The following XYLT1 variants were observed in gnomAD, a reference collection of about 807,000 sequenced individuals.
XYLT1 encodes beta-D-xylosyltransferase 1.
A neutral mutation model predicts 91.3 loss-of-function variants in XYLT1; 36 were observed. That is an observed-to-expected ratio of 0.39 (90% CI 0.30 to 0.52). The LOEUF (loss-of-function observed/expected upper bound fraction) is 0.52. Ranked by LOEUF, XYLT1 falls within the 20% of genes least tolerant of loss-of-function variation. The probability of loss-of-function intolerance (pLI) is 0.68; values close to 1 mark genes in which losing one functional copy is unlikely to be tolerated. For synonymous variants in XYLT1, 588 were observed against 532.0 expected, an observed-to-expected ratio of 1.11 and a Z score of -1.45; for missense variants, 1,242 against 1,284.5, an observed-to-expected ratio of 0.97 and a Z score of 0.51.
At chr16:17,197,026 TATATAG>T (rs61566979) in intron 5 of XYLT1, among the ~76,000 whole-genome samples, 25,348 of 124,624 alleles carry the variant, frequency 0.2, 4,368 homozygotes, top group African/African-American at 0.36. Flanking sequence ...TATATATATA[TATATAG>T]ATATATATAC....
chr16:17,108,948 T>C lies in XYLT1; in HGVS notation c.2627A>G (p.Asn876Ser), dbSNP rs2141475932. 3.1e-6 allele frequency: 5 copies of C among 1,591,286 alleles called. No homozygotes were observed. The highest frequency in any genetic ancestry group is 4.3e-6 in the Non-Finnish European group (5 of 1,163,592). ...GTTGATGGGCAGGCTGAGGACGGGG[T>C]TTAGGCTCTGGAAGCTCTGCTCCAT... ...AYMEQSFQSLNPVLSLPINPA... is the reference protein window; with the variant it reads ...AYMEQSFQSLSPVLSLPINPA... Residue 876 changes from asparagine to serine, a missense_variant, in exon 12 of 12, where the codon AAC becomes AGC. Physicochemically the swap from Asn to Ser is conservative, Grantham distance 46 (BLOSUM62 1). This residue lies in a region of XYLT1 where 511 missense variants were observed against 497.0 expected (regional missense o/e 1.03). Coordinates refer to ENST00000261381, the MANE Select transcript of XYLT1 (RefSeq NM_022166.4).
intron 1 of XYLT1, among the ~76,000 whole-genome samples, chr16:17,452,422 G>A (rs746533853): frequency 6.6e-6 from 1 of 150,926 alleles, no homozygotes; most frequent in African/African-American, 2.4e-5. Context: ...CAAGGAGTTC[G>A]AGACCATCCC....
At chr16:17,316,394 T>C (rs895904113) in intron 2 of XYLT1, among the ~76,000 whole-genome samples, 1 of 152,036 alleles carries the variant, frequency 6.6e-6, no homozygotes, top group Non-Finnish European at 1.5e-5. Context: ...CCCTGCTTTT[T>C]ATTTATTTAT....
chr16:17,128,841 C>T (rs887958735), intron 9 of XYLT1, among the ~76,000 whole-genome samples: 1 of 152,162 alleles, frequency 6.6e-6, no homozygotes, highest in Non-Finnish European at 1.5e-5. Flanking sequence ...TAAATAGCTG[C>T]CGCTTCTGCA....
chr16:17,140,325 G>T (rs1193572952), intron 7 of XYLT1, among the ~76,000 whole-genome samples: 1 of 152,160 alleles, frequency 6.6e-6, no homozygotes, highest in Non-Finnish European at 1.5e-5. Context: ...GGTGTAAAAA[G>T]GTGGTCATTA....
chr16:17,141,450 A>T, intron 6 of XYLT1, 81 bp from the exon 7 acceptor site: 1 of 1,339,996 alleles, frequency 7.5e-7, no homozygotes, highest in Non-Finnish European at 1.0e-6. Flanking sequence ...AAACAACACA[A>T]TCATAGCGAT....
At chr16:17,295,611 C>T (rs1305153000) in intron 2 of XYLT1, among the ~76,000 whole-genome samples, 1 of 152,184 alleles carries the variant, frequency 6.6e-6, no homozygotes, top group African/African-American at 2.4e-5. Flanking sequence ...CCACTTTGAC[C>T]TCCCAAAGTC....
intron 2 of XYLT1, among the ~76,000 whole-genome samples, chr16:17,338,737 A>ACC (rs1297939344): frequency 2.6e-5 from 4 of 152,122 alleles, no homozygotes; most frequent in African/African-American, 9.7e-5. Flanking sequence ...GGTGCCCACC[A>ACC]CCACAACTAA....
chr16:17,109,196 G>C (rs772958671), intron 11 of XYLT1, among the ~76,000 whole-genome samples, 179 bp from the exon 12 acceptor site: 1 of 152,188 alleles, frequency 6.6e-6, no homozygotes, highest in Non-Finnish European at 1.5e-5. Flanking sequence ...AACTGAGCCC[G>C]TAAGGACAGA....
At chr16:17,166,542 C>T (rs1003792152) in intron 5 of XYLT1, among the ~76,000 whole-genome samples, 5 of 151,416 alleles carry the variant, frequency 3.3e-5, no homozygotes, top group Non-Finnish European at 7.4e-5. Context: ...GGTAGAGTCT[C>T]GCTCTGTCAC....
intron 4 of XYLT1, among the ~76,000 whole-genome samples, chr16:17,200,226 A>AG (rs2032512344): frequency 6.6e-6 from 1 of 151,524 alleles, no homozygotes; most frequent in African/African-American, 2.4e-5. Context: ...TCAAAAAAAA[A>AG]AGAAAAAAAA....
chr16:17,297,925 G>T (rs186444444), intron 2 of XYLT1, among the ~76,000 whole-genome samples: 8 of 152,144 alleles, frequency 5.3e-5, no homozygotes, highest in African/African-American at 1.2e-4. Context: ...GGAGGCTGAG[G>T]CAGGAGAATG....
At position 17,145,789 on chromosome 16, in the gene XYLT1, C is replaced by T. The variant is rs2141526124; in HGVS notation, c.1371-4420G>A. Among the ~76,000 whole-genome samples the T allele has an allele frequency of 2.0e-5, 3 of 152,338 alleles. No individual in the cohort carries two copies. In the South Asian group the frequency reaches 6.2e-4, roughly 32 times the overall value. On this transcript the variant is annotated intron_variant, in intron 6 of 11. Coordinates refer to ENST00000261381, the MANE Select transcript of XYLT1 (RefSeq NM_022166.4). The stretch of plus-strand genomic sequence containing the variant: ...GGAGGTTCTTAGGCTCCAGACAGGG[C>T]AGGTAGCCAGGGCTGTGGCACAAAA...
chr16:17,125,214 T>C (rs1041588302), intron 10 of XYLT1, among the ~76,000 whole-genome samples: 2 of 152,200 alleles, frequency 1.3e-5, no homozygotes, highest in African/African-American at 4.8e-5. Context: ...ATCCACCTCC[T>C]TCAAAGGCTC....
chr16:17,308,984 A>C (rs2034505780), intron 2 of XYLT1, among the ~76,000 whole-genome samples: 1 of 152,104 alleles, frequency 6.6e-6, no homozygotes, highest in South Asian at 2.1e-4. Context: ...GAGCAAAAGC[A>C]AAAAATAAAA....
rs1220314711 is a variant in XYLT1 at position 17,300,459 on chromosome 16, T to C, written c.403-40961A>G. 1.7e-3 allele frequency among the ~76,000 whole-genome samples: 211 copies of C among 125,892 alleles called. 2 individuals carry two copies. The highest frequency in any genetic ancestry group is 6.1e-3 in the African/African-American group (192 of 31,700). 82.6% of individuals were successfully genotyped at this position (125,892 alleles called of 152,430 possible). On this transcript the variant is annotated intron_variant, in intron 2 of 11. Transcript: ENST00000261381. Reference sequence around the variant, plus strand: ...TTCTTTCTTTCATTCTTTCTTTTTTTTTTTTTTTTTTTTTTGAGATGGAGT... The same window carrying C: ...TTCTTTCTTTCATTCTTTCTTTTTTCTTTTTTTTTTTTTTTGAGATGGAGT...
chr16:17,337,334 C>T (rs1009722010), intron 2 of XYLT1, among the ~76,000 whole-genome samples: 5 of 152,122 alleles, frequency 3.3e-5, no homozygotes, highest in Non-Finnish European at 7.4e-5. Flanking sequence ...ACTATAAGCA[C>T]ATGCCACCAC....
intron 5 of XYLT1, among the ~76,000 whole-genome samples, chr16:17,172,532 C>T (rs182642831): frequency 2.7e-4 from 36 of 133,010 alleles, no homozygotes; most frequent in Admixed American, 1.2e-3. Context: ...AGTGCAGTGG[C>T]GTGATCTCGG....
intron 2 of XYLT1, among the ~76,000 whole-genome samples, chr16:17,293,780 C>T (rs553230808): frequency 1.2e-4 from 19 of 152,294 alleles, no homozygotes; most frequent in South Asian, 4.1e-4. Context: ...TGAGCCACCA[C>T]GCCCGGCCAG....
Sources: gnomAD v4.1 joint callset for allele counts (sites outside exome capture counted in the v4.1 genomes callset) on GRCh38, gnomAD v4.1.1 for gene constraint, gnomAD v4.1.1 regional missense constraint, MANE v1.5 for transcripts, NCBI Gene and HGNC (gene_info 2026-07-23, HGNC 2026-07-21) for gene names.